NELL1: variants seen among roughly 807,000 people sequenced by gnomAD.
NELL1 encodes neural EGFL like 1.
Under a neutral mutation model 107.4 loss-of-function variants are expected in NELL1, and 76 were observed. The ratio of observed to expected loss-of-function variants is 0.71; its 90% confidence interval spans 0.59 to 0.86. NELL1 has a LOEUF of 0.86. NELL1 is among the 40% of genes least tolerant of loss of function. NELL1 has a pLI of 0.00. For synonymous variants in NELL1, 353 were observed against 341.2 expected (o/e 1.03, Z -0.38); for missense variants, 1,024 against 1,005.5 (o/e 1.02, Z -0.25).
chr11:20,709,781 A>G (rs1855065126), intron 2 of NELL1, among the ~76,000 whole-genome samples: 1 of 151,828 alleles, frequency 6.6e-6, no homozygotes, highest in South Asian at 2.1e-4. Context: ...TATTATTAAT[A>G]TTTTATTATT....
At chr11:21,088,415 T>G (rs1854448335) in intron 12 of NELL1, among the ~76,000 whole-genome samples, 1 of 152,124 alleles carries the variant, frequency 6.6e-6, no homozygotes, top group Non-Finnish European at 1.5e-5. Context: ...AGAAGTTATT[T>G]TCTTAAAACA....
chr11:21,070,885 T>C (rs1208641982), intron 12 of NELL1, among the ~76,000 whole-genome samples: 1 of 152,136 alleles, frequency 6.6e-6, no homozygotes, highest in African/African-American at 2.4e-5. Context: ...ATCGAAAATA[T>C]CAGAAAAATA....
intron 15 of NELL1, among the ~76,000 whole-genome samples, chr11:21,488,383 T>C (rs1447660470): frequency 6.6e-6 from 1 of 152,134 alleles, no homozygotes; most frequent in Non-Finnish European, 1.5e-5. Flanking sequence ...AGATATGTTG[T>C]TGGTGGGTGG....
chr11:21,266,231 G>A (rs1848632335), intron 14 of NELL1, among the ~76,000 whole-genome samples: 1 of 151,918 alleles, frequency 6.6e-6, no homozygotes, highest in Non-Finnish European at 1.5e-5. Context: ...CCTCTGTGAA[G>A]GCAGTAGGTT....
At chr11:21,113,215 A>C (rs936020209) in intron 12 of NELL1, among the ~76,000 whole-genome samples, 1 of 151,970 alleles carries the variant, frequency 6.6e-6, no homozygotes, top group Non-Finnish European at 1.5e-5. Context: ...CCTCTGATAA[A>C]AGCTATACCA....
intron 15 of NELL1, among the ~76,000 whole-genome samples, chr11:21,525,058 T>A (rs1855817623): frequency 6.6e-6 from 1 of 152,108 alleles, no homozygotes; most frequent in Non-Finnish European, 1.5e-5. Context: ...GAGATATAGA[T>A]CAGAGAGTTT....
intron 11 of NELL1, among the ~76,000 whole-genome samples, chr11:20,950,640 G>A (rs1851051377): frequency 6.6e-6 from 1 of 152,164 alleles, no homozygotes; most frequent in Admixed American, 6.5e-5. Context: ...GAAACAGAAA[G>A]TAATGAAAAG....
chr11:21,531,109 A>AG (rs1472065937), intron 15 of NELL1, among the ~76,000 whole-genome samples: 1 of 152,268 alleles, frequency 6.6e-6, no homozygotes, highest in East Asian at 1.9e-4. Context: ...TTACTAGGGG[A>AG]GGGAGTTGGT....
intron 2 of NELL1, among the ~76,000 whole-genome samples, chr11:20,755,533 G>GTTTTTTT (rs1564894850): frequency 3.3e-5 from 2 of 60,576 alleles, no homozygotes; most frequent in Admixed American, 1.9e-4. Flanking sequence ...GACCTGTGTG[G>GTTTTTTT]GTTTTTGTTT....
chr11:20,885,738 G>A (rs137991927), intron 5 of NELL1, among the ~76,000 whole-genome samples, 198 bp downstream of exon 5: 15 of 152,294 alleles, frequency 9.8e-5, no homozygotes, highest in African/African-American at 3.4e-4. Context: ...ACTTGTCACA[G>A]TAATTTGTGA....
At chr11:21,148,654 C>A (rs1197425417) in intron 13 of NELL1, among the ~76,000 whole-genome samples, 1 of 152,118 alleles carries the variant, frequency 6.6e-6, no homozygotes, top group East Asian at 1.9e-4. Flanking sequence ...TTAGAGGAAA[C>A]AACCCCCCTG....
intron 4 of NELL1, among the ~76,000 whole-genome samples, chr11:20,850,521 C>T (rs1590348212): frequency 6.6e-6 from 1 of 152,146 alleles, no homozygotes. Context: ...ATATATTTGT[C>T]TGTAACCCTG....
chr11:20,858,839 G>A (rs938373397), intron 4 of NELL1, among the ~76,000 whole-genome samples: 8 of 152,130 alleles, frequency 5.3e-5, no homozygotes, highest in African/African-American at 1.9e-4. Context: ...CCTCCTCCAG[G>A]GCACATGTGT....
chr11:21,222,339 C>T (rs1172064349), intron 13 of NELL1, among the ~76,000 whole-genome samples: 1 of 151,904 alleles, frequency 6.6e-6, no homozygotes, highest in African/African-American at 2.4e-5. Context: ...GCCACCACAC[C>T]TGGCTAATTT....
At chr11:20,810,289 T>C (rs410944) in intron 3 of NELL1, among the ~76,000 whole-genome samples, 1 of 152,192 alleles carries the variant, frequency 6.6e-6, no homozygotes, top group Non-Finnish European at 1.5e-5. Flanking sequence ...AGTTCTTTAG[T>C]GGTGATTTGT....
At chr11:20,951,586 G>A (rs1054411615) in intron 11 of NELL1, among the ~76,000 whole-genome samples, 4 of 152,038 alleles carry the variant, frequency 2.6e-5, no homozygotes, top group African/African-American at 9.7e-5. Flanking sequence ...TTGTCTTTTA[G>A]GGAAAAATGA....
At chr11:21,454,159 A>G (rs925334905) in intron 15 of NELL1, among the ~76,000 whole-genome samples, 10 of 137,374 alleles carry the variant, frequency 7.3e-5, no homozygotes, top group East Asian at 2.2e-4. Flanking sequence ...ATTCCCACCT[A>G]TGAGTGAGAA....
At chr11:20,951,232 T>G (rs1361710197) in intron 11 of NELL1, among the ~76,000 whole-genome samples, 2 of 152,216 alleles carry the variant, frequency 1.3e-5, no homozygotes, top group Non-Finnish European at 2.9e-5. Flanking sequence ...TGAAATAAGG[T>G]TAAAACCCAT....
chr11:21,568,653 T>C (rs1225305760), intron 17 of NELL1, among the ~76,000 whole-genome samples: 2 of 151,728 alleles, frequency 1.3e-5, no homozygotes, highest in African/African-American at 4.8e-5. Context: ...AAACATTTTT[T>C]TCAAACCGGC....
Sources: gnomAD v4.1 joint callset for allele counts (sites outside exome capture counted in the v4.1 genomes callset) on GRCh38, gnomAD v4.1.1 for gene constraint, MANE v1.5 for transcripts, NCBI Gene and HGNC (gene_info 2026-07-23, HGNC 2026-07-21) for gene names.